Variants in SCMH1 observed in about 807,000 individuals in gnomAD.
The protein encoded by SCMH1 is polycomb protein SCMH1.
SCMH1 carries 37 observed loss-of-function variants against 70.8 expected under a neutral mutation model. The ratio of observed to expected loss-of-function variants is 0.52; its 90% CI spans 0.40 to 0.69. SCMH1 has a LOEUF of 0.69. Among genes scored for constraint, SCMH1 ranks in the 30% least tolerant of loss-of-function variants. The pLI is 0.00. For missense variants in SCMH1, 607 were observed against 827.3 expected, an observed-to-expected ratio of 0.73 and a Z score of 3.27; for synonymous variants, 292 against 307.4, an observed-to-expected ratio of 0.95 and a Z score of 0.52.
chr1:41,092,651 A>G (rs1376218032), intron 8 of SCMH1, among the ~76,000 whole-genome samples: 1 of 152,254 alleles, frequency 6.6e-6, no homozygotes, highest in Non-Finnish European at 1.5e-5. Flanking sequence ...TCCAGAATCT[A>G]CAAAGAACTT....
intron 1 of SCMH1, among the ~76,000 whole-genome samples, chr1:41,228,641 TG>T (rs1660717253): frequency 6.6e-6 from 1 of 151,108 alleles, no homozygotes; most frequent in African/African-American, 2.4e-5. Flanking sequence ...AAAAATTAGC[TG>T]GGTGTGATGG....
chr1:41,228,374 T>G (rs1660664946), intron 1 of SCMH1, among the ~76,000 whole-genome samples: 1 of 152,216 alleles, frequency 6.6e-6, no homozygotes, highest in African/African-American at 2.4e-5. Context: ...CTATACTTAG[T>G]ACTGTTAAAA....
intron 6 of SCMH1, among the ~76,000 whole-genome samples, chr1:41,118,013 C>T (rs957491381): frequency 6.6e-6 from 1 of 152,122 alleles, no homozygotes; most frequent in African/African-American, 2.4e-5. Flanking sequence ...TTTCTACACT[C>T]TCTTGTCTCC....
Position 41,073,857 on chromosome 1 carries a change from A to G in SCMH1, c.978+1362T>C, listed in dbSNP as rs1479814474. ...AACAAGCAAAACAAACCAACAGACA[A>G]ACAAACTAACCCTAGGGAGGAATTA... On this transcript the variant is annotated intron_variant, in intron 9 of 14. Coordinates refer to ENST00000337495, the Ensembl canonical transcript of SCMH1. 5.9e-5 allele frequency among the ~76,000 whole-genome samples: 9 copies of G among 152,284 alleles called. 1 individual carries two copies. The highest frequency in any genetic ancestry group is 1.2e-4 in the African/African-American group (5 of 41,560).
chr1:41,142,967 T>C (rs752338130), exon 6 of SCMH1: 1 of 1,614,166 alleles, frequency 6.2e-7, no homozygotes, highest in Non-Finnish European at 8.5e-7. Flanking sequence ...GAAGTCATTT[T>C]TGTTGTCGCT....
chr1:41,050,975 G>GAGA (rs1385031549), intron 10 of SCMH1, among the ~76,000 whole-genome samples: 1 of 152,122 alleles, frequency 6.6e-6, no homozygotes, highest in African/African-American at 2.4e-5. Flanking sequence ...GATAAGAAGA[G>GAGA]TAATAAAAAC....
intron 4 of SCMH1, among the ~76,000 whole-genome samples, chr1:41,159,449 G>C (rs1411557527): frequency 6.6e-6 from 1 of 152,148 alleles, no homozygotes; most frequent in African/African-American, 2.4e-5. Context: ...CCTGTACCAT[G>C]CCAGACTACG....
chr1:41,172,065 G>A (rs1013316817), intron 2 of SCMH1, among the ~76,000 whole-genome samples: 10 of 151,848 alleles, frequency 6.6e-5, no homozygotes, highest in African/African-American at 2.2e-4. Flanking sequence ...GGAGGCACAT[G>A]CCTGTGGTCC....
rs1318373529 is a variant in SCMH1 at position 41,186,119 on chromosome 1, A to G, written c.13+2T>C. On this transcript the variant is annotated splice_donor_variant, in intron 2 of 14. Coordinates refer to ENST00000337495, the Ensembl canonical transcript of SCMH1. LOFTEE classifies it high-confidence loss of function. ...TCCACGATAGGGTAAAAAGATACTT[A>G]CCATTAGGCTGCATAGTCAATGGAC... The G allele has an allele frequency of 6.5e-7, 1 of 1,545,212 alleles. No individual in the cohort carries two copies.
intron 8 of SCMH1, among the ~76,000 whole-genome samples, chr1:41,098,017 G>A (rs1166886319): frequency 6.6e-6 from 1 of 152,074 alleles, no homozygotes; most frequent in East Asian, 1.9e-4. Context: ...ATTGCCTCTC[G>A]AACTGGTTAT....
chr1:41,071,057 T>C (rs920935169), intron 9 of SCMH1, among the ~76,000 whole-genome samples: 1 of 152,190 alleles, frequency 6.6e-6, no homozygotes, highest in Non-Finnish European at 1.5e-5. Context: ...TAAGTCTGCT[T>C]TGACATTACT....
exon 15 of SCMH1, chr1:41,028,061 C>G: frequency 9.2e-7 from 1 of 1,086,678 alleles, no homozygotes. Context: ...GGAGTGGTGG[C>G]TCCACACAGC....
intron 8 of SCMH1, among the ~76,000 whole-genome samples, chr1:41,096,336 G>A (rs1401801199): frequency 6.6e-6 from 1 of 152,186 alleles, no homozygotes; most frequent in Non-Finnish European, 1.5e-5. Flanking sequence ...AATAGCAAAG[G>A]TGGAGCTGGA....
chr1:41,028,026 G>A, exon 15 of SCMH1: 1 of 750,130 alleles, frequency 1.3e-6, no homozygotes, highest in Non-Finnish European at 2.2e-6. Flanking sequence ...CTTCATGGAA[G>A]GACTTATCAT....
chr1:41,059,610 G>A (rs1651831669), intron 10 of SCMH1, among the ~76,000 whole-genome samples: 1 of 152,128 alleles, frequency 6.6e-6, no homozygotes, highest in South Asian at 2.1e-4. Context: ...ATTCTTCCTG[G>A]ATGCCAGACA....
Position 41,048,830 on chromosome 1 carries a change from TG to T in SCMH1, c.1165del (p.Gln389SerfsTer100). ...TGGTCCAAAATGGTCAGGGAGTTGC[TG>T]GACCTTCTTCTTATCTAAGTGGGGG... On this transcript the variant is annotated frameshift_variant, in exon 11 of 15. Transcript: ENST00000337495. LOFTEE classifies it high-confidence loss of function. 1 of 1,614,222 alleles carries T rather than the reference TG, an allele frequency of 6.2e-7. No individual in the cohort carries two copies. The highest frequency in any genetic ancestry group is 8.5e-7 in the Non-Finnish European group (1 of 1,180,038).
intron 5 of SCMH1, among the ~76,000 whole-genome samples, chr1:41,144,737 T>C (rs574312816): frequency 2.6e-5 from 4 of 152,148 alleles, no homozygotes; most frequent in African/African-American, 9.6e-5. Flanking sequence ...AGGGTTCCAA[T>C]TTCTACACAT....
intron 13 of SCMH1, among the ~76,000 whole-genome samples, chr1:41,035,211 C>G (rs1362234034): frequency 6.6e-6 from 1 of 152,090 alleles, no homozygotes; most frequent in Non-Finnish European, 1.5e-5. Context: ...CCTACCCTGA[C>G]TGCCTTCCCA....
chr1:41,113,366 C>T lies in SCMH1; in HGVS notation c.662G>A (p.Trp221Ter). Residue 221 changes from tryptophan to a stop codon, truncating the protein, a stop_gained, in exon 8 of 15, where the codon TGG becomes TAG. Transcript: ENST00000337495. LOFTEE classifies it high-confidence loss of function. This position sits in a 1 kb window ranked among gnomAD's most constrained non-coding sequence, Gnocchi z 4.3. ...GATGTCTCGGGAGTCGAAGCGGCACCAGTAGTCAAAGGCCCCTCGCCACCC... is the reference window on the plus strand; with the variant it reads ...GATGTCTCGGGAGTCGAAGCGGCACTAGTAGTCAAAGGCCCCTCGCCACCC... 1 of 1,614,006 alleles carries T rather than the reference C, an allele frequency of 6.2e-7. No homozygotes were observed. The highest frequency in any genetic ancestry group is 8.5e-7 in the Non-Finnish European group (1 of 1,179,966).
Sources: gnomAD v4.1 joint callset for allele counts (sites outside exome capture counted in the v4.1 genomes callset) on GRCh38, gnomAD v4.1.1 for gene constraint, Gnocchi (gnomAD v3.1) non-coding constraint, MANE v1.5 for transcripts, NCBI Gene and HGNC (gene_info 2026-07-23, HGNC 2026-07-21) for gene names.